The following REM2 variants were observed in gnomAD, a reference collection of about 807,000 sequenced individuals.
REM2 encodes GTP-binding protein REM 2.
A neutral mutation model predicts 24.4 loss-of-function variants in REM2; 24 were observed. The observed-to-expected ratio is 0.98, with a 90% CI of 0.71 to 1.38. REM2 has a LOEUF of 1.38. Among genes scored for constraint, REM2 ranks in the 40% most tolerant of loss-of-function variants. The pLI, the probability that REM2 is intolerant of heterozygous loss-of-function variation, is 0.00. For synonymous variants in REM2, 187 were observed against 198.0 expected (o/e 0.94, Z 0.47); for missense variants, 429 against 467.8 (o/e 0.92, Z 0.77).
chr14:22,886,538 C>G lies in REM2; in HGVS notation c.728-76C>G. ...TACCAATCCCTTGCCACCGCACGCC[C>G]AGGCCCTCCCTAGACCCACCCTCGC... On this transcript the variant is annotated intron_variant, in intron 4 of 4. Transcript: ENST00000267396. The surrounding 1 kb of genome is among the most constrained non-coding windows in gnomAD (Gnocchi z 5.9). 1 of 1,337,052 alleles carries G rather than the reference C, an allele frequency of 7.5e-7. No individual in the cohort carries two copies. Among genetic ancestry groups the G allele is most frequent in the Non-Finnish European group, 9.9e-7 (1 of 1,006,052 alleles). The allele number at this position is 1,337,052 out of a possible 1,614,324, so 82.8% of individuals were successfully genotyped here.
rs2040130114 is a variant in REM2 at position 22,886,533 on chromosome 14, A to T, written c.728-81A>T. On this transcript the variant is annotated intron_variant, in intron 4 of 4. Coordinates refer to ENST00000267396, the MANE Select transcript of REM2 (RefSeq NM_173527.3). This position sits in a 1 kb window ranked among gnomAD's most constrained non-coding sequence, Gnocchi z 5.9. The stretch of plus-strand genomic sequence containing the variant: ...ACTAGTACCAATCCCTTGCCACCGC[A>T]CGCCCAGGCCCTCCCTAGACCCACC... The T allele has an allele frequency of 1.5e-6, 2 of 1,292,390 alleles. No individual in the cohort carries two copies. Among genetic ancestry groups the T allele is most frequent in the South Asian group, 3.1e-5 (2 of 64,494 alleles). The allele number at this position is 1,292,390 out of a possible 1,614,324, so 80.1% of individuals were successfully genotyped here.
rs1243773979 is a variant in REM2, at chr14:22,886,900, G to C, written c.1014G>C (p.Ser338=). Residue 338 remains serine (S), a synonymous_variant, in exon 5 of 5, where the codon TCG becomes TCC. Transcript: ENST00000267396. The surrounding 1 kb of genome is among the most constrained non-coding windows in gnomAD (Gnocchi z 5.9). ...GCTCCAGGTCGTGTCACGACCTCTC[G>C]GTGCTCTGAGCCGCGGTCGCCATGG... The part of the protein sequence containing the change: ...KQRSRSCHDL[S]VL 6 of 1,498,982 alleles carry C rather than the reference G, an allele frequency of 4.0e-6. No homozygotes were observed. In the Admixed American group the frequency reaches 9.0e-5, roughly 22 times the overall value. The allele number at this position is 1,498,982 out of a possible 1,614,324, so 92.9% of individuals were successfully genotyped here.
chr14:22,884,926 T>G lies in REM2; in HGVS notation c.356T>G (p.Leu119Arg). Residue 119 changes from leucine to arginine, a missense_variant, in exon 2 of 5, where the codon CTA (leucine) becomes CGA (arginine). Leu to Arg is a moderately radical substitution (Grantham distance 102). Coordinates refer to ENST00000267396, the MANE Select transcript of REM2 (RefSeq NM_173527.3). ...AAGGATGGCATCTTCAAGGTCATGC[T>G]AGTGGGGGAGAGCGGCGTGGGCAAG... Reference protein sequence around the residue: ...AQKDGIFKVMLVGESGVGKST... With the variant: ...AQKDGIFKVMRVGESGVGKST... 6.2e-7 allele frequency: 1 copy of G among 1,607,686 alleles called. No individual in the cohort carries two copies. Among genetic ancestry groups the G allele is most frequent in the Non-Finnish European group, 8.5e-7 (1 of 1,175,238 alleles).
rs970343758 is a variant in REM2, at chr14:22,887,630, C to G, written c.*721C>G. 6.6e-6 allele frequency: 1 copy of G among 152,222 alleles called. No individual in the cohort carries two copies. Among genetic ancestry groups the G allele is most frequent in the Non-Finnish European group, 1.5e-5 (1 of 68,038 alleles). 9.4% of individuals were successfully genotyped at this position (152,222 alleles called of 1,614,324 possible). A position where few individuals can be genotyped will look rare whatever the true frequency, so the allele number is the denominator to read the frequency against. ...CTTTTGGCCAGGGCCAGGGGGGCACCAGCAAGGGGCCACCCTTTCCCTTTT... is the reference window on the plus strand; with the variant it reads ...CTTTTGGCCAGGGCCAGGGGGGCACGAGCAAGGGGCCACCCTTTCCCTTTT... On this transcript the variant is annotated 3_prime_UTR_variant, in exon 5 of 5. Coordinates refer to ENST00000267396, the MANE Select transcript of REM2 (RefSeq NM_173527.3).
rs1452243275 is a variant in REM2 at position 22,886,120 on chromosome 14, GT to G, written c.618del (p.Pro207GlnfsTer45). 6.2e-7 allele frequency: 1 copy of G among 1,613,986 alleles called. No individual in the cohort carries two copies. Among genetic ancestry groups the G allele is most frequent in the East Asian group, 2.2e-5 (1 of 44,882 alleles). ...SVTDRRSFSKVPETLLRLRAG... is the reference protein window; with the variant it reads ...SVTDRRSFSKXPETLLRLRAG... ...CACCGACCGACGGAGTTTCTCCAAA[GT>G]TCCAGAGACCCTACTTCGGCTCCGG... On this transcript the variant is annotated frameshift_variant, in exon 4 of 5. Transcript: ENST00000267396. LOFTEE classifies it high-confidence loss of function. This position sits in a 1 kb window ranked among gnomAD's most constrained non-coding sequence, Gnocchi z 5.9.
In REM2 at chr14:22,886,849, G is replaced by A. The variant is rs1361617223; in HGVS notation, c.963G>A (p.Pro321=). 4 of 1,546,280 alleles carry A rather than the reference G, an allele frequency of 2.6e-6. No individual in the cohort carries two copies. Among genetic ancestry groups the A allele is most frequent in the South Asian group, 1.2e-5 (1 of 83,548 alleles). ...AGAGGTTCCTCGCCAACCTGGTGCCGCGCAACGCCAAGTTCTTCAAGCAGC... is the reference window on the plus strand; with the variant it reads ...AGAGGTTCCTCGCCAACCTGGTGCCACGCAACGCCAAGTTCTTCAAGCAGC... ...KAKRFLANLV[P]RNAKFFKQRS... is the part of the protein sequence containing the mutation. Residue 321 remains proline (P), a synonymous_variant, in exon 5 of 5, where the codon CCG becomes CCA. Transcript: ENST00000267396. This position sits in a 1 kb window ranked among gnomAD's most constrained non-coding sequence, Gnocchi z 5.9.
rs773619455 is a variant in REM2, at chr14:22,883,260, ACG to A, written c.-26_-25del. On this transcript the variant is annotated 5_prime_UTR_variant, in exon 1 of 5. Coordinates refer to ENST00000267396, the MANE Select transcript of REM2 (RefSeq NM_173527.3). ...GGTGCTGCGAGCTGCTGGGCTGCAC[ACG>A]CACACGCACACGCACACGCACACTG... The A allele has an allele frequency of 2.8e-6, 2 of 720,680 alleles. No homozygotes were observed. The highest frequency in any genetic ancestry group is 2.2e-6 in the Non-Finnish European group (1 of 452,188). 44.6% of individuals were successfully genotyped at this position (720,680 alleles called of 1,614,324 possible). A position where few individuals can be genotyped will look rare whatever the true frequency, so the allele number is the denominator to read the frequency against.
chr14:22,884,810 C>T lies in REM2; in HGVS notation c.240C>T (p.Ala80=). Residue 80 remains alanine, a synonymous_variant, in exon 2 of 5, where the codon GCC becomes GCT. Transcript: ENST00000267396. ...CCTACAAGCACCAGCTCCGGCGGGCCCAGGCTGTAGATGAACTTGACTGGC... is the reference window on the plus strand; with the variant it reads ...CCTACAAGCACCAGCTCCGGCGGGCTCAGGCTGTAGATGAACTTGACTGGC... ...PVPYKHQLRR[A]QAVDELDWPP... The T allele has an allele frequency of 6.2e-7, 1 of 1,614,024 alleles. No individual in the cohort carries two copies. Among genetic ancestry groups the T allele is most frequent in the African/African-American group, 1.3e-5 (1 of 75,046 alleles).
chr14:22,886,857 C>G lies in REM2; in HGVS notation c.971C>G (p.Ala324Gly). ...CTCGCCAACCTGGTGCCGCGCAACGCCAAGTTCTTCAAGCAGCGCTCCAGG... is the reference window on the plus strand; with the variant it reads ...CTCGCCAACCTGGTGCCGCGCAACGGCAAGTTCTTCAAGCAGCGCTCCAGG... ...RFLANLVPRNAKFFKQRSRSC... is the reference protein window; with the variant it reads ...RFLANLVPRNGKFFKQRSRSC... Residue 324 changes from alanine (A) to glycine (G), a missense_variant, in exon 5 of 5, where the codon GCC becomes GGC. Transcript: ENST00000267396. This position sits in a 1 kb window ranked among gnomAD's most constrained non-coding sequence, Gnocchi z 5.9. The G allele has an allele frequency of 6.5e-7, 1 of 1,545,820 alleles. No individual in the cohort carries two copies. The highest frequency in any genetic ancestry group is 8.7e-7 in the Non-Finnish European group (1 of 1,145,370).
At chr14:22,885,895 T>C in intron 3 of REM2, 129 bp from the exon 4 acceptor site, 1 of 682,174 alleles carries the variant, frequency 1.5e-6, no homozygotes, top group East Asian at 2.7e-5. Flanking sequence ...ATTCTGCCAT[T>C]AACTAGCTCT....
chr14:22,884,071 C>G (rs2040096598), intron 1 of REM2: 1 of 985,228 alleles, frequency 1.0e-6, no homozygotes, highest in South Asian at 4.7e-5. Context: ...GCCCCTCTCT[C>G]TCTCTCACAC....
At position 22,886,927 on chromosome 14, in the gene REM2, C is replaced by G; in HGVS notation, c.*18C>G. 1 of 1,400,990 alleles carries G rather than the reference C, an allele frequency of 7.1e-7. No homozygotes were observed. Among genetic ancestry groups the G allele is most frequent in the Non-Finnish European group, 9.3e-7 (1 of 1,070,354 alleles). The allele number at this position is 1,400,990 out of a possible 1,614,324, so 86.8% of individuals were successfully genotyped here. A position where few individuals can be genotyped will look rare whatever the true frequency, so the allele number is the denominator to read the frequency against. Reference sequence around the variant, plus strand: ...TGCTCTGAGCCGCGGTCGCCATGGCCACTGCGGTCGCCATGGTCACCGCGC... The same window carrying G: ...TGCTCTGAGCCGCGGTCGCCATGGCGACTGCGGTCGCCATGGTCACCGCGC... On this transcript the variant is annotated 3_prime_UTR_variant, in exon 5 of 5. Coordinates refer to ENST00000267396, the MANE Select transcript of REM2 (RefSeq NM_173527.3). The surrounding 1 kb of genome is among the most constrained non-coding windows in gnomAD (Gnocchi z 5.9).
Position 22,885,325 on chromosome 14 carries a change from G to A in REM2, c.505G>A (p.Asp169Asn), listed in dbSNP as rs1416196249. The A allele has an allele frequency of 1.2e-6, 2 of 1,612,954 alleles. No homozygotes were observed. Among genetic ancestry groups the A allele is most frequent in the East Asian group, 4.5e-5 (2 of 44,876 alleles). The stretch of plus-strand genomic sequence containing the variant: ...GGAGGAAGTGACTCTAGTCGTTTAT[G>A]ACATCTGGGAACAGGTGAGAACTAA... ...DKEEVTLVVY[D>N]IWEQGDAGGW... Residue 169 changes from aspartate to asparagine, a missense_variant, in exon 3 of 5, where the codon GAC becomes AAC. Physicochemically the swap from Asp to Asn is conservative, Grantham distance 23 (BLOSUM62 1). Coordinates refer to ENST00000267396, the MANE Select transcript of REM2 (RefSeq NM_173527.3).
Position 22,883,229 on chromosome 14 carries a change from G to A in REM2, c.-59G>A. On this transcript the variant is annotated 5_prime_UTR_variant, in exon 1 of 5. Coordinates refer to ENST00000267396, the MANE Select transcript of REM2 (RefSeq NM_173527.3). ...AAAGCTGACAGTGCTGCTGAGTGAG[G>A]GAGAGGGTGCTGCGAGCTGCTGGGC... 1.1e-6 allele frequency: 1 copy of A among 889,178 alleles called. No individual in the cohort carries two copies. Among genetic ancestry groups the A allele is most frequent in the South Asian group, 1.4e-5 (1 of 70,766 alleles). The allele number at this position is 889,178 out of a possible 1,614,324, so 55.1% of individuals were successfully genotyped here. A position where few individuals can be genotyped will look rare whatever the true frequency, so the allele number is the denominator to read the frequency against.
In REM2 at chr14:22,886,741, C is replaced by G; in HGVS notation, c.855C>G (p.His285Gln). ...TCCGGCTGCGGCGGGGCCGAAACCA[C>G]GCCGGAGGCCAGAGGCCCGATCCGG... is the stretch of plus-strand genomic sequence containing the variant. ...RQIRLRRGRN[H>Q]AGGQRPDPGS... Residue 285 changes from histidine (H) to glutamine (Q), a missense_variant, in exon 5 of 5, where the codon CAC becomes CAG. By Grantham distance (24) the His-to-Gln change is conservative. Transcript: ENST00000267396. The surrounding 1 kb of genome is among the most constrained non-coding windows in gnomAD (Gnocchi z 5.9). 1 of 1,532,210 alleles carries G rather than the reference C, an allele frequency of 6.5e-7. No homozygotes were observed. The highest frequency in any genetic ancestry group is 8.8e-7 in the Non-Finnish European group (1 of 1,140,004). The allele number at this position is 1,532,210 out of a possible 1,614,324, so 94.9% of individuals were successfully genotyped here. A position where few individuals can be genotyped will look rare whatever the true frequency, so the allele number is the denominator to read the frequency against.
At position 22,886,234 on chromosome 14, in the gene REM2, G is replaced by A; in HGVS notation, c.727+3G>A. The A allele has an allele frequency of 1.2e-6, 2 of 1,608,312 alleles. No homozygotes were observed. Among genetic ancestry groups the A allele is most frequent in the Admixed American group, 1.7e-5 (1 of 58,996 alleles). On this transcript the variant is annotated splice_donor_region_variant and intron_variant, in intron 4 of 4. Coordinates refer to ENST00000267396, the MANE Select transcript of REM2 (RefSeq NM_173527.3). The surrounding 1 kb of genome is among the most constrained non-coding windows in gnomAD (Gnocchi z 5.9). The stretch of plus-strand genomic sequence containing the variant: ...CTCCCGGGAGGTATCACTGGAGGGT[G>A]TGTATCCTGAACAGATTCCATACTT...
rs752987242 is a variant in REM2 at position 22,885,996 on chromosome 14, G to A, written c.520-28G>A. On this transcript the variant is annotated intron_variant, in intron 3 of 4. Coordinates refer to ENST00000267396, the MANE Select transcript of REM2 (RefSeq NM_173527.3). The stretch of plus-strand genomic sequence containing the variant: ...CTGGACAGGATCTCCTATGCCTCCA[G>A]CCCTAACGTTCCTCTGCCTGTCTGC... 5.7e-6 allele frequency: 9 copies of A among 1,591,346 alleles called. No individual in the cohort carries two copies. The South Asian group carries it at 9.9e-5, about 18-fold the overall frequency.
chr14:22,885,127 C>A, intron 2 of REM2, 112 bp downstream of exon 2: 1 of 1,379,742 alleles, frequency 7.2e-7, no homozygotes, highest in Non-Finnish European at 9.9e-7. Context: ...GAAGCTTTTC[C>A]AATGCTTTCT....
chr14:22,886,965 C>A lies in REM2; in HGVS notation c.*56C>A. On this transcript the variant is annotated 3_prime_UTR_variant, in exon 5 of 5. Coordinates refer to ENST00000267396, the MANE Select transcript of REM2 (RefSeq NM_173527.3). This position sits in a 1 kb window ranked among gnomAD's most constrained non-coding sequence, Gnocchi z 5.9. ...ATGGTCACCGCGCCCTCCGCTCGCC[C>A]CCCCTCGCCCCGCCCCGCCCCCGTC... 7.6e-7 allele frequency: 1 copy of A among 1,314,786 alleles called. No individual in the cohort carries two copies. The highest frequency in any genetic ancestry group is 1.0e-6 in the Non-Finnish European group (1 of 1,003,318). The allele number at this position is 1,314,786 out of a possible 1,614,324, so 81.4% of individuals were successfully genotyped here.
Sources: allele counts gnomAD v4.1 joint callset, GRCh38; gene constraint gnomAD v4.1.1; non-coding constraint Gnocchi (gnomAD v3.1); transcripts MANE v1.5; gene names NCBI Gene and HGNC (gene_info 2026-07-23, HGNC 2026-07-21).